MAD1L1: variants seen among roughly 807,000 people sequenced by gnomAD.
The protein encoded by MAD1L1 is mitotic arrest deficient 1 like 1.
Under a neutral mutation model 96.9 loss-of-function variants are expected in MAD1L1, and 95 were observed. The ratio of observed to expected loss-of-function variants is 0.98; its 90% confidence interval spans 0.83 to 1.16. The LOEUF (loss-of-function observed/expected upper bound fraction) is 1.16, where lower values mean the gene tolerates loss of function less well. Ranked by LOEUF, MAD1L1 falls within the 50% of genes most tolerant of loss-of-function variation. The probability of loss-of-function intolerance (pLI) is 0.00; values close to 1 mark genes in which losing one functional copy is unlikely to be tolerated. For synonymous variants in MAD1L1, 473 were observed against 396.6 expected, an observed-to-expected ratio of 1.19 and a Z score of -2.29; for missense variants, 1,007 against 954.4, an observed-to-expected ratio of 1.06 and a Z score of -0.73.
intron 18 of MAD1L1, among the ~76,000 whole-genome samples, chr7:1,817,862 GGCCCCGCCCTGATGGTGTC>G (rs1486771154): frequency 2.6e-5 from 4 of 151,972 alleles, no homozygotes; most frequent in African/African-American, 4.8e-5. Context: ...GCCTGGGCTG[GGCCCCGCCCTGATGGTGTC>G]GCCCCTCCCC....
At chr7:1,945,310 T>C (rs556251632) in intron 16 of MAD1L1, among the ~76,000 whole-genome samples, 1 of 152,350 alleles carries the variant, frequency 6.6e-6, no homozygotes, top group Admixed American at 6.5e-5. Flanking sequence ...CACCGAGGAC[T>C]ATCCCGGCAC....
intron 10 of MAD1L1, chr7:2,202,079 C>A (rs1020835838): frequency 6.6e-6 from 1 of 152,538 alleles, no homozygotes; most frequent in African/African-American, 2.4e-5. Context: ...CTGGAGGCTC[C>A]GCCCATACAT....
At chr7:1,907,104 G>C (rs747863256) in intron 17 of MAD1L1, among the ~76,000 whole-genome samples, 6 of 151,960 alleles carry the variant, frequency 3.9e-5, no homozygotes, top group African/African-American at 1.4e-4. Context: ...TTCAGCCTGC[G>C]AGGGGCGGTG....
At chr7:1,817,190 T>A (rs1781855721) in intron 18 of MAD1L1, 1 of 151,936 alleles carries the variant, frequency 6.6e-6, no homozygotes, top group African/African-American at 2.4e-5. Flanking sequence ...GCAACCACCA[T>A]GAGCTGCTGG....
At position 2,090,468 on chromosome 7, in the gene MAD1L1, C is replaced by T. The variant is rs574451463; in HGVS notation, c.1074-21130G>A. 1.0e-3 allele frequency among the ~76,000 whole-genome samples: 158 copies of T among 152,336 alleles called. 1 individual carries two copies. Among genetic ancestry groups the T allele is most frequent in the African/African-American group, 3.7e-3 (152 of 41,578 alleles). ...CAGTGAGTTCCCAGGAACCCAGCCT[C>T]CCAGTGCAAGCACTGGAACGGTGTC... On this transcript the variant is annotated intron_variant, in intron 11 of 18. Transcript: ENST00000265854.
At chr7:2,054,868 T>C (rs1281402574) in intron 12 of MAD1L1, among the ~76,000 whole-genome samples, 1 of 152,172 alleles carries the variant, frequency 6.6e-6, no homozygotes, top group African/African-American at 2.4e-5. Context: ...GCCCTCGCAG[T>C]GATGGGAGAG....
chr7:1,828,178 C>T (rs894145087), intron 18 of MAD1L1, among the ~76,000 whole-genome samples: 14 of 152,142 alleles, frequency 9.2e-5, no homozygotes, highest in African/African-American at 3.4e-4. Context: ...GCCACAAGGA[C>T]AGATGCACCT....
At chr7:2,034,827 T>C (rs1012662025) in intron 12 of MAD1L1, among the ~76,000 whole-genome samples, 2 of 152,218 alleles carry the variant, frequency 1.3e-5, no homozygotes, top group African/African-American at 4.8e-5. Flanking sequence ...TACCTCTGGG[T>C]GCAGGAGTCA....
chr7:2,013,733 C>T (rs1014378820), intron 13 of MAD1L1, among the ~76,000 whole-genome samples: 2 of 152,248 alleles, frequency 1.3e-5, no homozygotes, highest in African/African-American at 2.4e-5. Flanking sequence ...GAGGAGAACA[C>T]GGGCCTTTCA....
At chr7:1,929,586 G>A (rs1789310200) in intron 17 of MAD1L1, among the ~76,000 whole-genome samples, 1 of 152,186 alleles carries the variant, frequency 6.6e-6, no homozygotes, top group South Asian at 2.1e-4. Flanking sequence ...CCGAGAGCAG[G>A]GGCCTCTTTA....
chr7:1,928,038 G>A (rs1202898369), intron 17 of MAD1L1, among the ~76,000 whole-genome samples: 1 of 152,188 alleles, frequency 6.6e-6, no homozygotes, highest in African/African-American at 2.4e-5. Flanking sequence ...TCGTGCCCGA[G>A]GCCTTGGCTG....
chr7:1,842,912 G>A (rs1309969984), intron 18 of MAD1L1, among the ~76,000 whole-genome samples: 2 of 152,242 alleles, frequency 1.3e-5, no homozygotes, highest in African/African-American at 4.8e-5. Flanking sequence ...AGGGTACACT[G>A]CCTGGAGCTC....
chr7:2,230,033 G>C lies in MAD1L1; in HGVS notation c.101C>G (p.Ser34Cys). ...CTGCAGAGAACCTGGGGCCGAGGTAGAAATATCCAGTCCAGAGCCTCCCTC... is the reference window on the plus strand; with the variant it reads ...CTGCAGAGAACCTGGGGCCGAGGTACAAATATCCAGTCCAGAGCCTCCCTC... ...RVEGGSGLDI[S>C]TSAPGSLQMQ... is the part of the protein sequence containing the mutation. The change falls in exon 3 of 19, where the codon TCT (serine) becomes TGT (cysteine). Residue 34 changes from serine (S) to cysteine (C), a missense_variant. Physicochemically the swap from Ser to Cys is moderately radical, Grantham distance 112 (BLOSUM62 -1). Coordinates refer to ENST00000265854, the MANE Select transcript of MAD1L1 (RefSeq NM_001013836.2). The C allele has an allele frequency of 6.2e-7, 1 of 1,613,790 alleles. No homozygotes were observed. Among genetic ancestry groups the C allele is most frequent in the East Asian group, 2.2e-5 (1 of 44,890 alleles).
chr7:2,011,165 G>A (rs1028289309), intron 13 of MAD1L1, among the ~76,000 whole-genome samples: 16 of 151,730 alleles, frequency 1.1e-4, no homozygotes, highest in East Asian at 3.9e-4. Flanking sequence ...AAGAGGAGAC[G>A]GGCCCTTCAC....
chr7:2,067,093 C>T (rs912662212), intron 12 of MAD1L1, among the ~76,000 whole-genome samples: 1 of 152,214 alleles, frequency 6.6e-6, no homozygotes, highest in South Asian at 2.1e-4. Flanking sequence ...TCCCCAGCCC[C>T]GACCCAGAAT....
chr7:2,050,487 C>T (rs1197865814), intron 12 of MAD1L1, among the ~76,000 whole-genome samples: 2 of 152,218 alleles, frequency 1.3e-5, no homozygotes, highest in Non-Finnish European at 2.9e-5. Flanking sequence ...ACCTTTCTGG[C>T]AGCTCCGTTG....
chr7:1,939,332 C>T (rs1027821884), intron 16 of MAD1L1, among the ~76,000 whole-genome samples: 1 of 151,976 alleles, frequency 6.6e-6, no homozygotes, highest in African/African-American at 2.4e-5. Flanking sequence ...CACATACACA[C>T]ACACACAGGC....
chr7:2,188,522 C>T (rs1791566793), intron 10 of MAD1L1, among the ~76,000 whole-genome samples: 1 of 152,084 alleles, frequency 6.6e-6, no homozygotes. Context: ...AGTAGAGATC[C>T]CAGAAATAAA....
At chr7:1,936,074 C>T (rs1778581273) in intron 17 of MAD1L1, among the ~76,000 whole-genome samples, 1 of 152,246 alleles carries the variant, frequency 6.6e-6, no homozygotes, top group South Asian at 2.1e-4. Flanking sequence ...ACTCTGGACT[C>T]CCAGCCCTGC....
Sources: gnomAD v4.1 joint callset for allele counts (sites outside exome capture counted in the v4.1 genomes callset) on GRCh38, gnomAD v4.1.1 for gene constraint, MANE v1.5 for transcripts, NCBI Gene and HGNC (gene_info 2026-07-23, HGNC 2026-07-21) for gene names.